Variants in ZMIZ2 observed in about 807,000 individuals in gnomAD.
ZMIZ2 encodes the protein zinc finger MIZ domain-containing protein 2.
Under a neutral mutation model 93.9 loss-of-function variants are expected in ZMIZ2, and 26 were observed. That is an observed-to-expected ratio of 0.28 (90% CI 0.20 to 0.38). ZMIZ2 has a LOEUF of 0.38. ZMIZ2 is among the 10% of genes least tolerant of loss of function. ZMIZ2 has a pLI of 1.00. For synonymous variants in ZMIZ2, 485 were observed against 516.4 expected (o/e 0.94, Z 0.82); for missense variants, 1,023 against 1,235.0 (o/e 0.83, Z 2.57).
rs777611244 is a variant in ZMIZ2, at chr7:44,764,932, T to TC, written c.1929-5dup. The TC allele has an allele frequency of 1.9e-6, 3 of 1,613,992 alleles. No individual in the cohort carries two copies. The highest frequency in any genetic ancestry group is 1.3e-5 in the African/African-American group (1 of 74,916). The stretch of plus-strand genomic sequence containing the variant: ...GGTCTCTGAGCTGTGTCCCTTTTTT[T>TC]CCCCACAGCAAGACAGCTTTGCTGG... On this transcript the variant is annotated splice_polypyrimidine_tract_variant and intron_variant, in intron 14 of 18. Coordinates refer to ENST00000309315, the MANE Select transcript of ZMIZ2 (RefSeq NM_031449.4).
chr7:44,761,350 C>A lies in ZMIZ2; in HGVS notation c.1241-99C>A. The A allele has an allele frequency of 6.5e-7, 1 of 1,534,798 alleles. No homozygotes were observed. The highest frequency in any genetic ancestry group is 8.7e-7 in the Non-Finnish European group (1 of 1,147,074). On this transcript the variant is annotated intron_variant, in intron 9 of 18. Transcript: ENST00000309315. This position sits in a 1 kb window ranked among gnomAD's most constrained non-coding sequence, Gnocchi z 5.8. ...GGAGGGGCTCCCTTCACCAAGGTCCCTGCGGGGAAGGTGGCTGGGGAGCCG... is the reference window on the plus strand; with the variant it reads ...GGAGGGGCTCCCTTCACCAAGGTCCATGCGGGGAAGGTGGCTGGGGAGCCG...
In ZMIZ2 at chr7:44,766,258, C is replaced by T. The variant is rs1344123983; in HGVS notation, c.2337C>T (p.Pro779=). The change falls in exon 17 of 19, where the codon CCC becomes CCT. Residue 779 remains proline (P), a synonymous_variant. Transcript: ENST00000309315. This position sits in a 1 kb window ranked among gnomAD's most constrained non-coding sequence, Gnocchi z 4.4. ...PTLAEFTPGP[P]PISYQSDIPS... The stretch of plus-strand genomic sequence containing the variant: ...TTGCTGAGTTCACCCCGGGACCACC[C>T]CCCATCTCCTACCAGTCTGACATTC... 6.2e-7 allele frequency: 1 copy of T among 1,600,858 alleles called. No individual in the cohort carries two copies. Among genetic ancestry groups the T allele is most frequent in the Non-Finnish European group, 8.5e-7 (1 of 1,173,538 alleles).
chr7:44,764,917 C>T (rs1344189513), intron 14 of ZMIZ2, 24 bp from the exon 15 acceptor site: 32 of 1,613,640 alleles, frequency 2.0e-5, no homozygotes, highest in East Asian at 4.5e-5. Flanking sequence ...GGTCTCTGAG[C>T]TGTGTCCCTT....
At chr7:44,753,322 C>G (rs1372918571) in intron 1 of ZMIZ2, among the ~76,000 whole-genome samples, 1 of 151,846 alleles carries the variant, frequency 6.6e-6, no homozygotes, top group East Asian at 1.9e-4. Context: ...ATGTCTCACC[C>G]CAGCCTCCAC....
In ZMIZ2 at chr7:44,765,010, G is replaced by C. The variant is rs1315020130; in HGVS notation, c.1997+1G>C. 1 of 1,614,124 alleles carries C rather than the reference G, an allele frequency of 6.2e-7. No individual in the cohort carries two copies. The highest frequency in any genetic ancestry group is 1.3e-5 in the African/African-American group (1 of 74,948). ...TGGGCATCCTGATTTACATTCAGAA[G>C]TAAGCATCCTCTTCCTGTGATCCCT... On this transcript the variant is annotated splice_donor_variant, in intron 15 of 18. Coordinates refer to ENST00000309315, the MANE Select transcript of ZMIZ2 (RefSeq NM_031449.4). LOFTEE classifies it high-confidence loss of function. The surrounding 1 kb of genome is among the most constrained non-coding windows in gnomAD (Gnocchi z 4.1).
At chr7:44,760,091 C>T in intron 7 of ZMIZ2, 60 bp from the exon 8 acceptor site, 1 of 1,599,220 alleles carries the variant, frequency 6.3e-7, no homozygotes, top group East Asian at 2.2e-5. Flanking sequence ...GGGTCAGGTC[C>T]AGGGGGCCCG....
rs772277755 is a variant in ZMIZ2, at chr7:44,766,542, G to A, written c.2534G>A (p.Arg845Gln). Residue 845 changes from arginine (R) to glutamine (Q), a missense_variant, in exon 18 of 19, where the codon CGG becomes CAG. Around this residue, in one of 3 missense-constraint regions of ZMIZ2, gnomAD observed 319 missense variants for 358.8 expected, o/e 0.89. Transcript: ENST00000309315. The surrounding 1 kb of genome is among the most constrained non-coding windows in gnomAD (Gnocchi z 4.4). ...CATTCAAACCCTCCCCCAGCGTCCC[G>A]GCAGTCCTTGGGCCAAGCGAGCTTA... ...LHHSNPPPASRQSLGQASLGP... is the reference protein window; with the variant it reads ...LHHSNPPPASQQSLGQASLGP... 1.7e-5 allele frequency: 27 copies of A among 1,613,874 alleles called. No homozygotes were observed. The highest frequency in any genetic ancestry group is 6.7e-5 in the East Asian group (3 of 44,890).
chr7:44,749,954 G>A (rs1789996111), intron 1 of ZMIZ2: 1 of 152,220 alleles, frequency 6.6e-6, no homozygotes, highest in African/African-American at 2.4e-5. Context: ...GGAAACAGGA[G>A]AAGTGAAGGA....
In ZMIZ2 at chr7:44,763,687, A is replaced by G. The variant is rs4724319; in HGVS notation, c.1860+274A>G. On this transcript the variant is annotated intron_variant, in intron 13 of 18. Transcript: ENST00000309315. The surrounding 1 kb of genome is among the most constrained non-coding windows in gnomAD (Gnocchi z 5.6). Reference sequence around the variant, plus strand: ...TGAAAGGCATAAGATTGCAGGGTCCAGTCTTCCTGCCCTACCCCCAAGGGT... The same window carrying G: ...TGAAAGGCATAAGATTGCAGGGTCCGGTCTTCCTGCCCTACCCCCAAGGGT... The G allele has an allele frequency of 0.47, 219,078 of 462,222 alleles. 54,825 individuals are homozygous for G. The highest frequency in any genetic ancestry group is 0.79 in the East Asian group (20,244 of 25,496). 28.6% of individuals were successfully genotyped at this position (462,222 alleles called of 1,614,324 possible).
At chr7:44,748,745 C>T (rs1358814182), upstream of ZMIZ2, 1 of 150,838 alleles carries the variant, frequency 6.6e-6, no homozygotes, top group Admixed American at 6.6e-5. Context: ...TCGCGGCCGC[C>T]CCCGCCCCGA....
rs1000402711 is a variant in ZMIZ2 at position 44,756,958 on chromosome 7, C to T, written c.177C>T (p.Asn59=). The change falls in exon 4 of 19, where the codon AAC becomes AAT. Residue 59 remains asparagine (N), a synonymous_variant. Coordinates refer to ENST00000309315, the MANE Select transcript of ZMIZ2 (RefSeq NM_031449.4). ...GNATQSQVLG[N]PMGPAGSPSG... is the part of the protein sequence containing the mutation. Reference sequence around the variant, plus strand: ...CTGCTTCCTCATAGGTTTTGGGGAACCCCATGGGCCCTGCAGGGAGTCCCT... The same window carrying T: ...CTGCTTCCTCATAGGTTTTGGGGAATCCCATGGGCCCTGCAGGGAGTCCCT... The T allele has an allele frequency of 3.1e-6, 5 of 1,609,550 alleles. No individual in the cohort carries two copies. The African/African-American group carries it at 5.4e-5, about 17-fold the overall frequency.
chr7:44,762,627 G>A (rs1791316982), intron 11 of ZMIZ2, among the ~76,000 whole-genome samples: 1 of 152,228 alleles, frequency 6.6e-6, no homozygotes, highest in African/African-American at 2.4e-5. Flanking sequence ...GGTTAGACCG[G>A]CAGGATGCCC....
intron 18 of ZMIZ2, among the ~76,000 whole-genome samples, chr7:44,767,057 A>G (rs149859268): frequency 6.6e-6 from 1 of 152,260 alleles, no homozygotes; most frequent in Non-Finnish European, 1.5e-5. Flanking sequence ...ACCATAATAG[A>G]AACTCATTCT....
intron 6 of ZMIZ2, among the ~76,000 whole-genome samples, chr7:44,758,648 C>G (rs1790836491): frequency 1.3e-5 from 2 of 150,720 alleles, no homozygotes; most frequent in African/African-American, 4.9e-5. Flanking sequence ...CGCGGTGGCT[C>G]ACGCCTGTAA....
intron 11 of ZMIZ2, 130 bp downstream of exon 11, chr7:44,762,035 C>G: frequency 8.1e-7 from 1 of 1,231,696 alleles, no homozygotes; most frequent in Non-Finnish European, 1.1e-6. Flanking sequence ...GGGAGCGGAG[C>G]CAGGACATGG....
chr7:44,756,776 G>A, intron 3 of ZMIZ2, 171 bp from the exon 4 acceptor site: 2 of 876,852 alleles, frequency 2.3e-6, no homozygotes, highest in Non-Finnish European at 3.5e-6. Flanking sequence ...TTCACAAAAT[G>A]CCCCAACCTC....
Position 44,766,384 on chromosome 7 carries a change from CT to C in ZMIZ2, c.2413-36del. The C allele has an allele frequency of 6.2e-7, 1 of 1,612,902 alleles. No individual in the cohort carries two copies. ...GGGCCCTGTCTCCCCAGGGGAGCCC[CT>C]GAGCTGTTTTAACAAATTCTTCTCT... On this transcript the variant is annotated intron_variant, in intron 17 of 18. Coordinates refer to ENST00000309315, the MANE Select transcript of ZMIZ2 (RefSeq NM_031449.4). This position sits in a 1 kb window ranked among gnomAD's most constrained non-coding sequence, Gnocchi z 4.4.
rs201771017 is a variant in ZMIZ2, at chr7:44,756,452, G to A, written c.78G>A (p.Val26=). The A allele has an allele frequency of 6.2e-6, 10 of 1,614,060 alleles. No individual in the cohort carries two copies. The African/African-American group carries it at 9.3e-5, about 15-fold the overall frequency. Residue 26 remains valine, a synonymous_variant, in exon 3 of 19, where the codon GTG becomes GTA. Coordinates refer to ENST00000309315, the MANE Select transcript of ZMIZ2 (RefSeq NM_031449.4). ...ATGGTTCATTCGCATATGAGTCTGT[G>A]CCTTGGCAACAAAGCGCCACTCAGC... ...HGDGSFAYES[V]PWQQSATQPA...
rs1790570329 is a variant in ZMIZ2, at chr7:44,756,169, C to T, written c.-62-19C>T. The T allele has an allele frequency of 1.2e-6, 2 of 1,602,656 alleles. No individual in the cohort carries two copies. The highest frequency in any genetic ancestry group is 4.5e-5 in the East Asian group (2 of 44,744). On this transcript the variant is annotated intron_variant, in intron 1 of 18. Coordinates refer to ENST00000309315, the MANE Select transcript of ZMIZ2 (RefSeq NM_031449.4). ...CCTGGCTGCATCGCAGCTAACATCC[C>T]TTCCTTCCTGTCGGGCAGCCAGAGC... is the stretch of plus-strand genomic sequence containing the variant.
Sources: allele counts gnomAD v4.1 joint callset (sites outside exome capture counted in the v4.1 genomes callset), GRCh38; gene constraint gnomAD v4.1.1; regional missense constraint gnomAD v4.1.1; non-coding constraint Gnocchi (gnomAD v3.1); transcripts MANE v1.5; gene names NCBI Gene and HGNC (gene_info 2026-07-23, HGNC 2026-07-21).